The following ANKS1B variants were observed in gnomAD, a reference collection of about 807,000 sequenced individuals.
ANKS1B encodes the protein ankyrin repeat and sterile alpha motif domain containing 1B.
Under a neutral mutation model 148.3 loss-of-function variants are expected in ANKS1B, and 36 were observed. The observed-to-expected ratio is 0.24, with a 90% confidence interval of 0.19 to 0.32. ANKS1B has a LOEUF of 0.32. ANKS1B is among the 10% of genes least tolerant of loss of function. ANKS1B has a pLI of 1.00. For synonymous variants in ANKS1B, 542 were observed against 560.8 expected, an observed-to-expected ratio of 0.97 and a Z score of 0.47; for missense variants, 1,157 against 1,542.6, an observed-to-expected ratio of 0.75 and a Z score of 4.19.
chr12:99,244,273 A>T, intron 14 of ANKS1B, 69 bp downstream of exon 14: 1 of 1,063,982 alleles, frequency 9.4e-7, no homozygotes, highest in Admixed American at 2.6e-5. Context: ...TTATCTAAAG[A>T]TTCCTATCAT....
chr12:99,440,626 C>T (rs1194587462), intron 11 of ANKS1B, among the ~76,000 whole-genome samples: 1 of 151,748 alleles, frequency 6.6e-6, no homozygotes, highest in Non-Finnish European at 1.5e-5. Context: ...GCAGAACTAA[C>T]AGCTGTGACT....
At chr12:99,950,627 C>T (rs897877248) in intron 1 of ANKS1B, among the ~76,000 whole-genome samples, 2 of 151,982 alleles carry the variant, frequency 1.3e-5, no homozygotes, top group Non-Finnish European at 2.9e-5. Context: ...TTTTCATTTA[C>T]CTATCACTAT....
At chr12:99,814,436 G>C (rs188067999) in intron 2 of ANKS1B, among the ~76,000 whole-genome samples, 21 of 151,768 alleles carry the variant, frequency 1.4e-4, no homozygotes, top group Admixed American at 1.3e-3. Context: ...AATGCTTATA[G>C]AAAGTCACCT....
intron 17 of ANKS1B, among the ~76,000 whole-genome samples, chr12:99,044,108 A>G (rs1187817552): frequency 6.6e-6 from 1 of 152,028 alleles, no homozygotes; most frequent in Non-Finnish European, 1.5e-5. Context: ...TTGCTTTTGT[A>G]TTTTCTATAC....
At chr12:99,681,175 C>T (rs757223314) in intron 8 of ANKS1B, among the ~76,000 whole-genome samples, 59 of 152,142 alleles carry the variant, frequency 3.9e-4, no homozygotes, top group Non-Finnish European at 5.9e-5. Flanking sequence ...TTGTATACCC[C>T]TATACTATGC....
intron 17 of ANKS1B, among the ~76,000 whole-genome samples, chr12:98,993,379 G>A (rs374459949): frequency 2.0e-5 from 3 of 152,158 alleles, no homozygotes; most frequent in African/African-American, 7.2e-5. Context: ...ATGTTGGCCA[G>A]GCTGGTCTCC....
Position 98,880,010 on chromosome 12 carries a change from A to G in ANKS1B, c.2779-47874T>C, listed in dbSNP as rs553258465. ...TCTTCCTTTGCACAGTAGGAAAAGT[A>G]ATGATTAAAAAAAGTATAAAACACA... On this transcript the variant is annotated intron_variant, in intron 17 of 26. Coordinates refer to ENST00000683438, the MANE Select transcript of ANKS1B (RefSeq NM_001352186.2). Among the ~76,000 whole-genome samples the G allele has an allele frequency of 1.5e-3, 223 of 152,348 alleles. 1 individual carries two copies. Among genetic ancestry groups the G allele is most frequent in the African/African-American group, 5.2e-3 (217 of 41,588 alleles).
At chr12:99,558,504 G>T (rs1733789333) in intron 9 of ANKS1B, among the ~76,000 whole-genome samples, 2 of 152,190 alleles carry the variant, frequency 1.3e-5, no homozygotes, top group Non-Finnish European at 1.5e-5. Context: ...TGCCAGCAAA[G>T]CAGCAGTGGG....
chr12:99,353,653 G>A (rs1336951384), intron 12 of ANKS1B, among the ~76,000 whole-genome samples: 1 of 151,858 alleles, frequency 6.6e-6, no homozygotes, highest in African/African-American at 2.4e-5. Context: ...CTTTCACTTT[G>A]CTTGCTCCAT....
intron 12 of ANKS1B, among the ~76,000 whole-genome samples, chr12:99,317,194 A>G (rs2154029191): frequency 6.6e-6 from 1 of 152,294 alleles, no homozygotes; most frequent in East Asian, 1.9e-4. Context: ...GTTTTTTCCA[A>G]TTCTGTGAAG....
At chr12:99,058,581 G>C (rs1193973917) in intron 16 of ANKS1B, among the ~76,000 whole-genome samples, 2 of 151,910 alleles carry the variant, frequency 1.3e-5, no homozygotes, top group Non-Finnish European at 2.9e-5. Context: ...CCTAAACTAA[G>C]TAATTCTTTA....
At chr12:99,181,186 T>C (rs1038401348) in intron 14 of ANKS1B, among the ~76,000 whole-genome samples, 6 of 152,324 alleles carry the variant, frequency 3.9e-5, no homozygotes, top group East Asian at 1.9e-4. Context: ...TGTCAATCCA[T>C]GTTCTGTTAT....
At chr12:99,292,938 C>G (rs144006700) in intron 12 of ANKS1B, among the ~76,000 whole-genome samples, 1 of 150,658 alleles carries the variant, frequency 6.6e-6, no homozygotes, top group Admixed American at 6.6e-5. Context: ...TGGAAGACAG[C>G]GTGGCGATTC....
intron 11 of ANKS1B, among the ~76,000 whole-genome samples, chr12:99,419,099 G>C (rs565673901): frequency 2.6e-5 from 4 of 152,146 alleles, no homozygotes; most frequent in South Asian, 2.1e-4. Context: ...GGGTGTATGT[G>C]GAATTGGGAA....
intron 14 of ANKS1B, among the ~76,000 whole-genome samples, chr12:99,170,883 T>C (rs188744161): frequency 1.3e-5 from 2 of 152,326 alleles, no homozygotes; most frequent in Non-Finnish European, 2.9e-5. Context: ...GACAGGATGA[T>C]TCTTATTTCT....
At chr12:98,892,785 G>A (rs1156844788) in intron 17 of ANKS1B, among the ~76,000 whole-genome samples, 2 of 152,162 alleles carry the variant, frequency 1.3e-5, no homozygotes, top group Non-Finnish European at 2.9e-5. Context: ...TCTCCAGGTA[G>A]AGGCAAAACA....
chr12:99,002,280 G>A (rs2099933454), intron 17 of ANKS1B, among the ~76,000 whole-genome samples: 1 of 152,124 alleles, frequency 6.6e-6, no homozygotes, highest in Non-Finnish European at 1.5e-5. Context: ...AGTATGCAAG[G>A]GTTCCAATGT....
chr12:99,437,466 C>T (rs1049589291), intron 11 of ANKS1B, among the ~76,000 whole-genome samples: 1 of 151,882 alleles, frequency 6.6e-6, no homozygotes, highest in African/African-American at 2.4e-5. Context: ...ATATTGAGCC[C>T]ATTTAGATGA....
chr12:99,552,673 G>A (rs2097233178), intron 9 of ANKS1B, among the ~76,000 whole-genome samples: 1 of 152,096 alleles, frequency 6.6e-6, no homozygotes, highest in South Asian at 2.1e-4. Flanking sequence ...CAATAACATG[G>A]CTGTCCCTCA....
Sources: gnomAD v4.1 joint callset for allele counts (sites outside exome capture counted in the v4.1 genomes callset) on GRCh38, gnomAD v4.1.1 for gene constraint, MANE v1.5 for transcripts, NCBI Gene and HGNC (gene_info 2026-07-23, HGNC 2026-07-21) for gene names.